Variants in PCDHGA12 observed in about 807,000 individuals in gnomAD.
PCDHGA12 encodes the protein protocadherin gamma subfamily A, 12.
Under a neutral mutation model 61.1 loss-of-function variants are expected in PCDHGA12, and 43 were observed. That is an observed-to-expected ratio of 0.70 (90% CI 0.55 to 0.91). PCDHGA12 has a LOEUF of 0.91. PCDHGA12 is among the 40% of genes least tolerant of loss of function. The probability of loss-of-function intolerance (pLI) is 0.00; values close to 1 mark genes in which losing one functional copy is unlikely to be tolerated. For synonymous variants in PCDHGA12, 520 were observed against 542.9 expected (o/e 0.96, Z 0.59); for missense variants, 1,236 against 1,227.7 (o/e 1.01, Z -0.10).
chr5:141,478,038 G>A lies in PCDHGA12; in HGVS notation c.2425-16769G>A, dbSNP rs1401384720. ...CCAGTCCAAGACACAGATTCACCCA[G>A]GCAGACTCTCACGGTCTTGATCAAA... On this transcript the variant is annotated intron_variant, in intron 1 of 3. Transcript: ENST00000252085. 8 of 1,614,006 alleles carry A rather than the reference G, an allele frequency of 5.0e-6. No homozygotes were observed. In the African/African-American group the frequency reaches 1.1e-4, roughly 22 times the overall value.
intron 3 of PCDHGA12, 122 bp downstream of exon 3, chr5:141,505,603 G>A (rs900982128): frequency 6.5e-7 from 1 of 1,534,594 alleles, no homozygotes; most frequent in African/African-American, 1.4e-5. Flanking sequence ...TCTTTCGGCA[G>A]GTCTGAAAGG....
chr5:141,462,408 A>G (rs1240372917), intron 1 of PCDHGA12, among the ~76,000 whole-genome samples: 2 of 152,188 alleles, frequency 1.3e-5, no homozygotes, highest in Non-Finnish European at 2.9e-5. Context: ...ATGGCACAGA[A>G]TATGGTCTAT....
chr5:141,438,641 C>CAT (rs2098042490), intron 1 of PCDHGA12, among the ~76,000 whole-genome samples: 2 of 79,354 alleles, frequency 2.5e-5, no homozygotes, highest in Non-Finnish European at 4.5e-5. Context: ...TATATACACA[C>CAT]ACACACACAC....
chr5:141,489,470 T>C lies in PCDHGA12; in HGVS notation c.2425-5337T>C, dbSNP rs1030378524. 1 of 1,613,874 alleles carries C rather than the reference T, an allele frequency of 6.2e-7. No homozygotes were observed. The highest frequency in any genetic ancestry group is 8.5e-7 in the Non-Finnish European group (1 of 1,179,838). ...GAGGAGAATGGGCGCTATTTTTCCCTGAGCTTGATGAGTGGTGCCCTGGCA... is the reference window on the plus strand; with the variant it reads ...GAGGAGAATGGGCGCTATTTTTCCCCGAGCTTGATGAGTGGTGCCCTGGCA... On this transcript the variant is annotated intron_variant, in intron 1 of 3. Transcript: ENST00000252085. This position sits in a 1 kb window ranked among gnomAD's most constrained non-coding sequence, Gnocchi z 4.5.
Position 141,491,260 on chromosome 5 carries a change from A to G in PCDHGA12, c.2425-3547A>G. On this transcript the variant is annotated intron_variant, in intron 1 of 3. Coordinates refer to ENST00000252085, the MANE Select transcript of PCDHGA12 (RefSeq NM_003735.3). This position sits in a 1 kb window ranked among gnomAD's most constrained non-coding sequence, Gnocchi z 6.9. ...TCTGGAGGATGAGGACCCTGAGGAA[A>G]TGCCCAAATCCAGTGACTTCCTCAT... 6.2e-7 allele frequency: 1 copy of G among 1,614,108 alleles called. No individual in the cohort carries two copies. The highest frequency in any genetic ancestry group is 1.7e-5 in the Admixed American group (1 of 60,028).
chr5:141,431,995 G>A lies in PCDHGA12; in HGVS notation c.1236G>A (p.Arg412=). 6.2e-7 allele frequency: 1 copy of A among 1,614,048 alleles called. No individual in the cohort carries two copies. Among genetic ancestry groups the A allele is most frequent in the East Asian group, 2.2e-5 (1 of 44,898 alleles). ...YSLVTDIVLD[R]EQVPSYNITV... The stretch of plus-strand genomic sequence containing the variant: ...TAGTCACAGACATAGTCTTGGATAG[G>A]GAACAGGTTCCTAGCTACAACATCA... The change falls in exon 1 of 4, where the codon AGG becomes AGA. Residue 412 remains arginine, a synonymous_variant. Coordinates refer to ENST00000252085, the MANE Select transcript of PCDHGA12 (RefSeq NM_003735.3). This position sits in a 1 kb window ranked among gnomAD's most constrained non-coding sequence, Gnocchi z 4.8.
At chr5:141,467,495 C>T (rs1161557245) in intron 1 of PCDHGA12, among the ~76,000 whole-genome samples, 1 of 152,140 alleles carries the variant, frequency 6.6e-6, no homozygotes, top group Non-Finnish European at 1.5e-5. Context: ...ATTTAGATCC[C>T]TGATCTAATT....
intron 1 of PCDHGA12, 62 bp from the exon 2 acceptor site, chr5:141,494,745 G>T: frequency 1.2e-6 from 2 of 1,612,802 alleles, no homozygotes; most frequent in African/African-American, 1.3e-5. Context: ...ATCCCTAGGG[G>T]CTCGGGTGAC....
chr5:141,468,049 G>C (rs2099156671), intron 1 of PCDHGA12, among the ~76,000 whole-genome samples: 1 of 152,068 alleles, frequency 6.6e-6, no homozygotes, highest in African/African-American at 2.4e-5. Context: ...ACTAAGCCGG[G>C]CACAGTGGCT....
intron 2 of PCDHGA12, among the ~76,000 whole-genome samples, chr5:141,502,725 G>A (rs1020846462): frequency 2.0e-5 from 3 of 152,150 alleles, no homozygotes; most frequent in Non-Finnish European, 4.4e-5. Context: ...ATTACAAAGC[G>A]GTGATGTTCT....
intron 2 of PCDHGA12, among the ~76,000 whole-genome samples, chr5:141,498,825 C>A (rs2099786017): frequency 6.6e-6 from 1 of 151,974 alleles, no homozygotes; most frequent in Admixed American, 6.6e-5. Flanking sequence ...CCCAGCTACT[C>A]AGGAGGCTGA....
At chr5:141,478,283 T>C (rs755297808) in intron 1 of PCDHGA12, 2 of 1,614,148 alleles carry the variant, frequency 1.2e-6, no homozygotes, top group South Asian at 2.2e-5. Context: ...GTGGAAGCAG[T>C]CTAGAGACCT....
At chr5:141,446,202 G>T (rs780900822) in intron 1 of PCDHGA12, among the ~76,000 whole-genome samples, 13 of 152,094 alleles carry the variant, frequency 8.5e-5, no homozygotes, top group Non-Finnish European at 1.8e-4. Context: ...ATATTCCTAG[G>T]TGTCTGAAAA....
Position 141,486,032 on chromosome 5 carries a change from G to C in PCDHGA12, c.2425-8775G>C, listed in dbSNP as rs560909128. The C allele has an allele frequency of 1.2e-6, 2 of 1,614,166 alleles. No individual in the cohort carries two copies. Among genetic ancestry groups the C allele is most frequent in the African/African-American group, 2.7e-5 (2 of 75,034 alleles). On this transcript the variant is annotated intron_variant, in intron 1 of 3. Transcript: ENST00000252085. This position sits in a 1 kb window ranked among gnomAD's most constrained non-coding sequence, Gnocchi z 5.0. ...CTTTTATTTCAGTGGTCATACCCCT[G>C]ATCGTGTAAGAAACCTCTTTAGCCT... is the stretch of plus-strand genomic sequence containing the variant.
intron 1 of PCDHGA12, among the ~76,000 whole-genome samples, chr5:141,469,803 A>G (rs1326367314): frequency 6.6e-6 from 1 of 152,174 alleles, no homozygotes; most frequent in Non-Finnish European, 1.5e-5. Context: ...TTGCAAAAAC[A>G]TTGTAGATAG....
In PCDHGA12 at chr5:141,432,071, A is replaced by G; in HGVS notation, c.1312A>G (p.Ile438Val). The change falls in exon 1 of 4, where the codon ATC becomes GTC. Residue 438 changes from isoleucine (I) to valine (V), a missense_variant. Transcript: ENST00000252085. The surrounding 1 kb of genome is among the most constrained non-coding windows in gnomAD (Gnocchi z 6.0). ...CCCGCCCCTATCCACGGAAACTCAT[A>G]TCTCGCTGAACGTGGCAGACACCAA... is the stretch of plus-strand genomic sequence containing the variant. ...GTPPLSTETH[I>V]SLNVADTNDN... 2 of 1,614,158 alleles carry G rather than the reference A, an allele frequency of 1.2e-6. No individual in the cohort carries two copies. The highest frequency in any genetic ancestry group is 1.7e-6 in the Non-Finnish European group (2 of 1,180,032).
chr5:141,476,754 T>G lies in PCDHGA12; in HGVS notation c.2425-18053T>G. 1 of 1,613,926 alleles carries G rather than the reference T, an allele frequency of 6.2e-7. No individual in the cohort carries two copies. The highest frequency in any genetic ancestry group is 1.1e-5 in the South Asian group (1 of 91,084). On this transcript the variant is annotated intron_variant, in intron 1 of 3. Coordinates refer to ENST00000252085, the MANE Select transcript of PCDHGA12 (RefSeq NM_003735.3). The surrounding 1 kb of genome is among the most constrained non-coding windows in gnomAD (Gnocchi z 7.6). Reference sequence around the variant, plus strand: ...GAACGGGAGCCTAGTCTCCAGTTAGTGCTGACGGCGTTGGACGGAGGGACC... The same window carrying G: ...GAACGGGAGCCTAGTCTCCAGTTAGGGCTGACGGCGTTGGACGGAGGGACC...
Position 141,491,648 on chromosome 5 carries a change from T to A in PCDHGA12, c.2425-3159T>A. 6.2e-7 allele frequency: 1 copy of A among 1,613,834 alleles called. No individual in the cohort carries two copies. Among genetic ancestry groups the A allele is most frequent in the Non-Finnish European group, 8.5e-7 (1 of 1,180,002 alleles). ...GTTCAGCAGCCCACAGCTCTGGCGC[T>A]GGAGCCTGACGCCATCCGGTCCCGC... On this transcript the variant is annotated intron_variant, in intron 1 of 3. Transcript: ENST00000252085. This position sits in a 1 kb window ranked among gnomAD's most constrained non-coding sequence, Gnocchi z 6.9.
chr5:141,439,172 G>A (rs1181712838), intron 1 of PCDHGA12, among the ~76,000 whole-genome samples: 1 of 147,496 alleles, frequency 6.8e-6, no homozygotes, highest in Admixed American at 6.8e-5. Context: ...CAGCCTGGGC[G>A]ACATAGTGAG....
Sources: gnomAD v4.1 joint callset for allele counts (sites outside exome capture counted in the v4.1 genomes callset) on GRCh38, gnomAD v4.1.1 for gene constraint, Gnocchi (gnomAD v3.1) non-coding constraint, MANE v1.5 for transcripts, NCBI Gene and HGNC (gene_info 2026-07-23, HGNC 2026-07-21) for gene names.